TSPAN18: variants seen among roughly 807,000 people sequenced by gnomAD.
The protein encoded by TSPAN18 is tetraspanin-18.
In TSPAN18, 14 loss-of-function variants were observed where a neutral mutation model predicts 27.3. That is an observed-to-expected ratio of 0.51 (90% confidence interval 0.34 to 0.80). The LOEUF (loss-of-function observed/expected upper bound fraction) is 0.80, where lower values mean the gene tolerates loss of function less well. TSPAN18 is among the 30% of genes least tolerant of loss of function. The pLI is 0.01. For synonymous variants in TSPAN18, 143 were observed against 136.5 expected (o/e 1.05, Z -0.33); for missense variants, 268 against 323.9 (o/e 0.83, Z 1.32).
chr11:44,926,236 G>T (rs759582540), intron 8 of TSPAN18: 11 of 166,028 alleles, frequency 6.6e-5, no homozygotes. Flanking sequence ...AATTGTGCGG[G>T]GGAGAGGGGT....
At chr11:44,757,200 C>T (rs1855351543) in intron 1 of TSPAN18, among the ~76,000 whole-genome samples, 2 of 152,142 alleles carry the variant, frequency 1.3e-5, no homozygotes, top group African/African-American at 4.8e-5. Flanking sequence ...TACCATTTTA[C>T]ATTCCCACCA....
chr11:44,781,810 A>G (rs1410715868), intron 2 of TSPAN18, among the ~76,000 whole-genome samples: 2 of 152,346 alleles, frequency 1.3e-5, no homozygotes, highest in East Asian at 1.9e-4. Flanking sequence ...ATTTTCCATC[A>G]GCCCAGAAAG....
chr11:44,907,759 A>T (rs1483844252), intron 4 of TSPAN18, among the ~76,000 whole-genome samples: 1 of 152,060 alleles, frequency 6.6e-6, no homozygotes, highest in Admixed American at 6.6e-5. Context: ...CGGGAGACCA[A>T]CGAGAGAGAC....
At chr11:44,857,467 G>A (rs1857767554) in intron 2 of TSPAN18, among the ~76,000 whole-genome samples, 1 of 152,210 alleles carries the variant, frequency 6.6e-6, no homozygotes, top group Admixed American at 6.5e-5. Context: ...CCTACCTGCT[G>A]GCAGCAGCCT....
intron 5 of TSPAN18, among the ~76,000 whole-genome samples, chr11:44,915,665 TCCCTGAGCCTCG>T (rs1859878594): frequency 6.6e-6 from 1 of 152,070 alleles, no homozygotes; most frequent in South Asian, 2.1e-4. Context: ...GACAGAGCAA[TCCCTGAGCCTCG>T]CCCTGCATCA....
intron 5 of TSPAN18, among the ~76,000 whole-genome samples, chr11:44,917,066 C>G (rs971711584): frequency 2.0e-5 from 3 of 152,226 alleles, no homozygotes; most frequent in African/African-American, 7.2e-5. Context: ...GCACCAACAC[C>G]TGTGCTGACC....
At chr11:44,907,985 G>A (rs1482851390) in intron 4 of TSPAN18, among the ~76,000 whole-genome samples, 1 of 150,806 alleles carries the variant, frequency 6.6e-6, no homozygotes, top group Non-Finnish European at 1.5e-5. Flanking sequence ...TACCTGCGAG[G>A]CAGAGGTTGT....
At chr11:44,728,534 G>A (rs999265849) in intron 1 of TSPAN18, among the ~76,000 whole-genome samples, 32 of 152,120 alleles carry the variant, frequency 2.1e-4, no homozygotes, top group Non-Finnish European at 4.3e-4. Context: ...CAGGGCGGGC[G>A]GTGGGGGATG....
intron 2 of TSPAN18, among the ~76,000 whole-genome samples, chr11:44,813,961 G>A (rs978453672): frequency 6.6e-6 from 1 of 152,182 alleles, no homozygotes; most frequent in African/African-American, 2.4e-5. Flanking sequence ...ATGGGGCCTT[G>A]GAGATAGATC....
chr11:44,820,239 C>G (rs1467224018), intron 2 of TSPAN18, among the ~76,000 whole-genome samples: 2 of 152,228 alleles, frequency 1.3e-5, no homozygotes, highest in Admixed American at 6.5e-5. Context: ...AGTTAAGTTT[C>G]TCATAGCCAA....
At chr11:44,749,883 G>T (rs959598603) in intron 1 of TSPAN18, among the ~76,000 whole-genome samples, 1 of 152,118 alleles carries the variant, frequency 6.6e-6, no homozygotes, top group Non-Finnish European at 1.5e-5. Flanking sequence ...TGATCCACCC[G>T]CCTTGGCCTC....
chr11:44,871,461 G>A (rs1313221113), intron 3 of TSPAN18, among the ~76,000 whole-genome samples: 6 of 152,012 alleles, frequency 3.9e-5, no homozygotes, highest in Non-Finnish European at 8.8e-5. Context: ...AATTTGGGGG[G>A]ACACAAACAT....
Position 44,926,659 on chromosome 11 carries a change from A to T in TSPAN18, c.616-15A>T. On this transcript the variant is annotated splice_polypyrimidine_tract_variant and intron_variant, in intron 8 of 9. Coordinates refer to ENST00000520358, the MANE Select transcript of TSPAN18 (RefSeq NM_130783.5). ...AACCCTGGCCATAGCTTGACCTCTCATCCCTCCCTCCCAGGGCTGTTACAC... is the reference window on the plus strand; with the variant it reads ...AACCCTGGCCATAGCTTGACCTCTCTTCCCTCCCTCCCAGGGCTGTTACAC... 1 of 1,613,356 alleles carries T rather than the reference A, an allele frequency of 6.2e-7. No individual in the cohort carries two copies. The highest frequency in any genetic ancestry group is 1.3e-5 in the African/African-American group (1 of 74,950).
At position 44,930,800 on chromosome 11, in the gene TSPAN18, G is replaced by T. The variant is rs529755499; in HGVS notation, c.*1622G>T. ...AAGTTTGATTAGTGATGTCTGCCAC[G>T]GGCAGGGATGGAAGGAGCAGTGTGA... On this transcript the variant is annotated 3_prime_UTR_variant, in exon 10 of 10. Transcript: ENST00000520358. 2 of 474,066 alleles carry T rather than the reference G, an allele frequency of 4.2e-6. No individual in the cohort carries two copies. The highest frequency in any genetic ancestry group is 6.8e-5 in the East Asian group (1 of 14,734). The allele number at this position is 474,066 out of a possible 1,614,324, so 29.4% of individuals were successfully genotyped here.
At chr11:44,733,435 A>G (rs1854712909) in intron 1 of TSPAN18, among the ~76,000 whole-genome samples, 2 of 152,216 alleles carry the variant, frequency 1.3e-5, no homozygotes, top group Non-Finnish European at 1.5e-5. Context: ...CAAGGGCACT[A>G]TAAGCCAGGC....
At chr11:44,783,272 A>G (rs1340796372) in intron 2 of TSPAN18, among the ~76,000 whole-genome samples, 1 of 152,250 alleles carries the variant, frequency 6.6e-6, no homozygotes, top group Non-Finnish European at 1.5e-5. Flanking sequence ...AAACTTGATA[A>G]ACTGACTTCA....
At chr11:44,769,495 G>A (rs1439260851) in intron 2 of TSPAN18, among the ~76,000 whole-genome samples, 2 of 152,118 alleles carry the variant, frequency 1.3e-5, no homozygotes, top group Non-Finnish European at 2.9e-5. Context: ...TAAGTGTTTG[G>A]TAGACTTCAC....
Position 44,775,124 on chromosome 11 carries a change from C to G in TSPAN18, c.-153+10612C>G, listed in dbSNP as rs57615218. ...CCTGCATACCTCCTGGGAGGGGTCG[C>G]CAGGTACAGCAAATAAAATTAAAGG... On this transcript the variant is annotated intron_variant, in intron 2 of 9. Transcript: ENST00000520358. 5.9e-3 allele frequency among the ~76,000 whole-genome samples: 895 copies of G among 152,276 alleles called. 6 individuals are homozygous for G. The highest frequency in any genetic ancestry group is 0.021 in the African/African-American group (867 of 41,550).
intron 2 of TSPAN18, among the ~76,000 whole-genome samples, chr11:44,825,695 C>T (rs1465073344): frequency 6.6e-6 from 1 of 152,190 alleles, no homozygotes; most frequent in Admixed American, 6.5e-5. Context: ...GCATTTGAAC[C>T]TGATGGAAAT....
Sources: allele counts gnomAD v4.1 joint callset (sites outside exome capture counted in the v4.1 genomes callset), GRCh38; gene constraint gnomAD v4.1.1; transcripts MANE v1.5; gene names NCBI Gene and HGNC (gene_info 2026-07-23, HGNC 2026-07-21).